Variants in BAHD1 observed in about 807,000 individuals in gnomAD.
BAHD1 encodes the protein bromo adjacent homology domain containing 1.
A neutral mutation model predicts 63.1 loss-of-function variants in BAHD1; 20 were observed. The ratio of observed to expected loss-of-function variants is 0.32; its 90% confidence interval spans 0.22 to 0.46. The LOEUF (loss-of-function observed/expected upper bound fraction) is 0.46. BAHD1 is among the 20% of genes least tolerant of loss of function. BAHD1 has a pLI of 1.00. For synonymous variants in BAHD1, 408 were observed against 426.8 expected, an observed-to-expected ratio of 0.96 and a Z score of 0.54; for missense variants, 939 against 1,071.8, an observed-to-expected ratio of 0.88 and a Z score of 1.73.
intron 5 of BAHD1, chr15:40,465,013 C>T (rs1894159908): frequency 4.8e-6 from 2 of 416,142 alleles, no homozygotes; most frequent in Non-Finnish European, 8.8e-6. Context: ...TTTCACTTTC[C>T]CTTGCAGGGA....
intron 1 of BAHD1, among the ~76,000 whole-genome samples, chr15:40,451,145 CAA>C (rs397827665): frequency 1.3e-4 from 4 of 30,622 alleles, no homozygotes; most frequent in African/African-American, 1.5e-4. Context: ...AACTCCATCT[CAA>C]AAAAAAAAAA....
intron 1 of BAHD1, among the ~76,000 whole-genome samples, chr15:40,445,603 GC>G (rs1310086105): frequency 6.6e-6 from 1 of 152,224 alleles, no homozygotes; most frequent in East Asian, 1.9e-4. Context: ...TTGAGAAGTA[GC>G]CTGTGTTGAA....
rs567677822 is a variant in BAHD1, at chr15:40,449,850, G to T, written c.-15+8582G>T. 1.6e-3 allele frequency among the ~76,000 whole-genome samples: 244 copies of T among 151,782 alleles called. 3 individuals are homozygous for T. The South Asian group carries it at 0.018, about 11-fold the overall frequency. The stretch of plus-strand genomic sequence containing the variant: ...AAAAAAAAGAAAATGAAAATTGATG[G>T]TAATGAAGGAGGGTTGTGCCATGAA... On this transcript the variant is annotated intron_variant, in intron 1 of 6. Transcript: ENST00000416165.
upstream of BAHD1, among the ~76,000 whole-genome samples, chr15:40,440,288 G>GTCCTTTCC (rs1226893912): frequency 4.6e-5 from 7 of 152,222 alleles, no homozygotes; most frequent in Non-Finnish European, 1.0e-4. Flanking sequence ...GAAAGGAAAG[G>GTCCTTTCC]AGACGTGGCA....
In BAHD1 at chr15:40,441,218, G is replaced by A. The variant is rs1893390236; in HGVS notation, c.-65G>A. 6.6e-6 allele frequency: 1 copy of A among 151,498 alleles called. No homozygotes were observed. Among genetic ancestry groups the A allele is most frequent in the African/African-American group, 2.4e-5 (1 of 41,314 alleles). The allele number at this position is 151,498 out of a possible 1,614,324, so 9.4% of individuals were successfully genotyped here. A position where few individuals can be genotyped will look rare whatever the true frequency, so the allele number is the denominator to read the frequency against. ...GGTTCCAGCCGCCGGATTCCAGCCC[G>A]GCCGGGGCCTGCGGGCGCCCAGAGC... On this transcript the variant is annotated 5_prime_UTR_variant, in exon 1 of 7. Transcript: ENST00000416165.
Position 40,458,983 on chromosome 15 carries a change from G to A in BAHD1, c.519G>A (p.Leu173=), listed in dbSNP as rs1207142333. 2 of 1,583,914 alleles carry A rather than the reference G, an allele frequency of 1.3e-6. No homozygotes were observed. Among genetic ancestry groups the A allele is most frequent in the Admixed American group, 1.7e-5 (1 of 57,198 alleles). The change falls in exon 2 of 7, where the codon CTG becomes CTA. Residue 173 remains leucine, a synonymous_variant. Transcript: ENST00000416165. This position sits in a 1 kb window ranked among gnomAD's most constrained non-coding sequence, Gnocchi z 4.7. ...GWSSSKKRPR[L]GDLGGGSRDL... ...CCTCCTCCAAGAAGCGGCCCCGGCT[G>A]GGGGACCTTGGAGGAGGAAGTCGGG...
intron 1 of BAHD1, among the ~76,000 whole-genome samples, chr15:40,446,300 G>A (rs1893537986): frequency 6.6e-6 from 1 of 152,256 alleles, no homozygotes; most frequent in Non-Finnish European, 1.5e-5. Context: ...CTCAGGGCCA[G>A]ACGGCCTGAC....
At chr15:40,457,402 C>T (rs1211274155) in intron 1 of BAHD1, among the ~76,000 whole-genome samples, 1 of 152,004 alleles carries the variant, frequency 6.6e-6, no homozygotes, top group Non-Finnish European at 1.5e-5. Context: ...TGAGACTTCT[C>T]CACCATGGGC....
chr15:40,458,717 A>G lies in BAHD1; in HGVS notation c.253A>G (p.Ser85Gly), dbSNP rs750621135. 1.2e-6 allele frequency: 2 copies of G among 1,613,680 alleles called. No homozygotes were observed. Among genetic ancestry groups the G allele is most frequent in the South Asian group, 2.2e-5 (2 of 91,080 alleles). ...TRLENVAGPR[S>G]ADEADELPPD... is the part of the protein sequence containing the mutation. ...CCTGGAGAATGTGGCCGGTCCCCGG[A>G]GTGCAGATGAGGCTGATGAGCTACC... Residue 85 changes from serine (S) to glycine (G), a missense_variant, in exon 2 of 7, where the codon AGT becomes GGT. Around this residue, in one of 5 missense-constraint regions of BAHD1, gnomAD observed 797 missense variants for 813.3 expected, o/e 0.98. Transcript: ENST00000416165. The surrounding 1 kb of genome is among the most constrained non-coding windows in gnomAD (Gnocchi z 4.7).
intron 1 of BAHD1, among the ~76,000 whole-genome samples, chr15:40,443,061 A>G (rs1203378107): frequency 6.6e-6 from 1 of 152,202 alleles, no homozygotes; most frequent in African/African-American, 2.4e-5. Flanking sequence ...CACCCAAAAG[A>G]AGAGTTGGGA....
At position 40,458,578 on chromosome 15, in the gene BAHD1, G is replaced by A. The variant is rs1281635808; in HGVS notation, c.114G>A (p.Glu38=). 4 of 1,613,998 alleles carry A rather than the reference G, an allele frequency of 2.5e-6. No individual in the cohort carries two copies. Among genetic ancestry groups the A allele is most frequent in the Non-Finnish European group, 3.4e-6 (4 of 1,179,996 alleles). ...TGGAGCAGGGGGTTGAGGGTGTGGA[G>A]CCAGGCATGCCCGAGAGCCCAGGTC... ...SNMEQGVEGV[E]PGMPESPGHL... is the part of the protein sequence containing the mutation. The change falls in exon 2 of 7, where the codon GAG becomes GAA. Residue 38 remains glutamate, a synonymous_variant. Coordinates refer to ENST00000416165, the MANE Select transcript of BAHD1 (RefSeq NM_014952.5). The surrounding 1 kb of genome is among the most constrained non-coding windows in gnomAD (Gnocchi z 4.7).
intron 3 of BAHD1, among the ~76,000 whole-genome samples, 173 bp from the exon 4 acceptor site, chr15:40,463,688 C>G (rs1432504879): frequency 2.0e-5 from 3 of 152,184 alleles, no homozygotes; most frequent in Non-Finnish European, 4.4e-5. Flanking sequence ...CTCATCCTTT[C>G]TCCAACCATG....
chr15:40,447,560 GAATA>G (rs145969802), intron 1 of BAHD1, among the ~76,000 whole-genome samples: 28,649 of 138,182 alleles, frequency 0.21, 3,328 homozygotes, highest in Non-Finnish European at 0.26. Flanking sequence ...TCTGTCTCCA[GAATA>G]AATAAATAAA....
At chr15:40,439,136 T>C (rs1477533276), upstream of BAHD1, among the ~76,000 whole-genome samples, 5 of 152,306 alleles carry the variant, frequency 3.3e-5, no homozygotes, top group Admixed American at 6.5e-5. Context: ...CGTCCTACTT[T>C]TACAGCTTTG....
upstream of BAHD1, among the ~76,000 whole-genome samples, chr15:40,440,297 C>T (rs1893362870): frequency 6.6e-6 from 1 of 152,118 alleles, no homozygotes; most frequent in Non-Finnish European, 1.5e-5. Flanking sequence ...GGAGACGTGG[C>T]AGGCAGGGAA....
In BAHD1 at chr15:40,458,998, A is replaced by G. The variant is rs371309392; in HGVS notation, c.534A>G (p.Gly178=). The change falls in exon 2 of 7, where the codon GGA becomes GGG. Residue 178 remains glycine (G), a synonymous_variant. Transcript: ENST00000416165. This position sits in a 1 kb window ranked among gnomAD's most constrained non-coding sequence, Gnocchi z 4.7. The part of the protein sequence containing the change: ...KKRPRLGDLG[G]GSRDLSPEPA... ...GGCCCCGGCTGGGGGACCTTGGAGG[A>G]GGAAGTCGGGACCTGTCTCCAGAGC... The G allele has an allele frequency of 1.6e-5, 26 of 1,584,602 alleles. 1 individual carries two copies. The highest frequency in any genetic ancestry group is 1.4e-4 in the Admixed American group (8 of 57,110).
rs997329293 is a variant in BAHD1 at position 40,448,885 on chromosome 15, G to A, written c.-15+7617G>A. Among the ~76,000 whole-genome samples, 10 of 150,442 alleles carry A rather than the reference G, an allele frequency of 6.6e-5. No individual in the cohort carries two copies. In the East Asian group the frequency reaches 1.9e-3, roughly 29 times the overall value. ...GAGGTTCACTCTTGTTGCCCAGGCT[G>A]GAGTGCAGTGGTGTGATCTCGGCTC... On this transcript the variant is annotated intron_variant, in intron 1 of 6. Transcript: ENST00000416165.
chr15:40,462,210 C>T lies in BAHD1; in HGVS notation c.1731C>T (p.Arg577=). ...PSHPKQPRVQ[R]PRPRRRRRRR... ...ACCCCAAGCAGCCACGTGTCCAGCG[C>T]CCACGCCCTCGCCGCCGCCGTCGCC... Residue 577 remains arginine, a synonymous_variant, in exon 3 of 7, where the codon CGC becomes CGT. Coordinates refer to ENST00000416165, the MANE Select transcript of BAHD1 (RefSeq NM_014952.5). The T allele has an allele frequency of 6.2e-7, 1 of 1,611,828 alleles. No homozygotes were observed. Among genetic ancestry groups the T allele is most frequent in the Non-Finnish European group, 8.5e-7 (1 of 1,179,346 alleles).
intron 2 of BAHD1, 112 bp downstream of exon 2, chr15:40,460,008 G>A: frequency 2.3e-6 from 3 of 1,321,172 alleles, no homozygotes; most frequent in South Asian, 1.6e-5. Context: ...CTGCTAACTG[G>A]AAGGTAGGGG....
Sources: gnomAD v4.1 joint callset for allele counts (sites outside exome capture counted in the v4.1 genomes callset) on GRCh38, gnomAD v4.1.1 for gene constraint, gnomAD v4.1.1 regional missense constraint, Gnocchi (gnomAD v3.1) non-coding constraint, MANE v1.5 for transcripts, NCBI Gene and HGNC (gene_info 2026-07-23, HGNC 2026-07-21) for gene names.